F5: variants seen among roughly 807,000 people sequenced by gnomAD.
The protein encoded by F5 is coagulation factor V.
A neutral mutation model predicts 216.4 loss-of-function variants in F5; 138 were observed. The observed-to-expected ratio is 0.64, with a 90% CI of 0.56 to 0.73. The LOEUF is 0.73. Ranked by LOEUF, F5 falls within the 30% of genes least tolerant of loss-of-function variation. The pLI is 0.00. For synonymous variants in F5, 916 were observed against 930.7 expected (o/e 0.98, Z 0.29); for missense variants, 2,403 against 2,674.0 (o/e 0.90, Z 2.24).
At chr1:169,533,781 T>C (rs1659641770) in intron 14 of F5, among the ~76,000 whole-genome samples, 2 of 152,148 alleles carry the variant, frequency 1.3e-5, no homozygotes, top group Non-Finnish European at 2.9e-5. Flanking sequence ...GGAATGCTTA[T>C]ACACTGCTGC....
At chr1:169,551,724 A>G (rs1367900476) in intron 8 of F5, among the ~76,000 whole-genome samples, 1 of 152,232 alleles carries the variant, frequency 6.6e-6, no homozygotes, top group African/African-American at 2.4e-5. Context: ...TGATTGTCAA[A>G]GCCTTTGGAT....
intron 3 of F5, 139 bp from the exon 4 acceptor site, chr1:169,560,905 A>G: frequency 1.3e-6 from 1 of 741,352 alleles, no homozygotes; most frequent in Non-Finnish European, 2.4e-6. Context: ...TTATTTGGAA[A>G]GATTCACATA....
intron 20 of F5, among the ~76,000 whole-genome samples, 162 bp from the exon 21 acceptor site, chr1:169,523,514 G>C (rs896990566): frequency 1.4e-4 from 21 of 152,176 alleles, no homozygotes; most frequent in African/African-American, 5.1e-4. Flanking sequence ...TGGGCACAGA[G>C]TACCTAAATT....
intron 7 of F5, among the ~76,000 whole-genome samples, chr1:169,553,308 T>C (rs1185538695): frequency 1.3e-5 from 2 of 152,172 alleles, no homozygotes; most frequent in Admixed American, 6.5e-5. Context: ...ATGAACCACT[T>C]TTCCCCTGCC....
chr1:169,538,038 G>A (rs1174326430), intron 13 of F5, among the ~76,000 whole-genome samples: 1 of 152,108 alleles, frequency 6.6e-6, no homozygotes, highest in East Asian at 1.9e-4. Flanking sequence ...CACGTTCACT[G>A]CAGCATTAGC....
chr1:169,525,077 C>G (rs528328345), intron 18 of F5, among the ~76,000 whole-genome samples, 169 bp from the exon 19 acceptor site: 1 of 152,162 alleles, frequency 6.6e-6, no homozygotes, highest in African/African-American at 2.4e-5. Context: ...AATGCACTAA[C>G]AAGACTGGTG....
chr1:169,536,561 T>C lies in F5; in HGVS notation c.4916A>G (p.Glu1639Gly), dbSNP rs1252175050. The C allele has an allele frequency of 5.6e-6, 9 of 1,613,666 alleles. No individual in the cohort carries two copies. Among genetic ancestry groups the C allele is most frequent in the Non-Finnish European group, 7.6e-6 (9 of 1,179,682 alleles). ...AATAGGACCAAGAATTCCGAGATGC[T>C]CTTCATACTCCCCTCGAGGATCACG... ...TKRDPRGEYE[E>G]HLGILGPIIR... Residue 1639 changes from glutamate to glycine, a missense_variant, in exon 14 of 25, where the codon GAG becomes GGG. Glu to Gly is a moderately conservative substitution (Grantham distance 98, BLOSUM62 -2). This residue lies in a region of F5 where 659 missense variants were observed against 787.9 expected (regional missense o/e 0.84). Transcript: ENST00000367797.
In F5 at chr1:169,541,536, A is replaced by G. The variant is rs189761035; in HGVS notation, c.3554T>C (p.Val1185Ala). 1 of 1,614,046 alleles carries G rather than the reference A, an allele frequency of 6.2e-7. No homozygotes were observed. The highest frequency in any genetic ancestry group is 1.7e-5 in the Admixed American group (1 of 59,990). Residue 1185 changes from valine to alanine, a missense_variant, in exon 13 of 25, where the codon GTC becomes GCC. Coordinates refer to ENST00000367797, the MANE Select transcript of F5 (RefSeq NM_000130.5). ...CACCTGGCTGAGGTCTGGAGAGATG[A>G]CTGTCTGCCAGACTTCATGTTCTGA... ...PSSEHEVWQT[V>A]ISPDLSQVTL...
intron 20 of F5, 26 bp downstream of exon 20, chr1:169,523,775 A>G (rs747821500): frequency 6.5e-7 from 1 of 1,528,442 alleles, no homozygotes; most frequent in East Asian, 2.2e-5. Flanking sequence ...GATAGCAGTA[A>G]ATATTATCAG....
chr1:169,526,642 G>T (rs542231363), intron 17 of F5, among the ~76,000 whole-genome samples: 1 of 152,144 alleles, frequency 6.6e-6, no homozygotes, highest in South Asian at 2.1e-4. Context: ...AAAATGAATA[G>T]ATATGATTAT....
intron 2 of F5, among the ~76,000 whole-genome samples, chr1:169,578,601 A>G (rs530803176): frequency 6.6e-6 from 1 of 152,302 alleles, no homozygotes; most frequent in South Asian, 2.1e-4. Flanking sequence ...CCTGGCCCTA[A>G]TGAGTATGTT....
In F5 at chr1:169,513,510, G is replaced by GACA. The variant is rs1330657221; in HGVS notation, c.*802_*803insTGT. ...TAACTGCTTGCCAGTTTGGCCAGAGGTCTCTTTGAGCAGGAACAACTGCAT... is the reference window on the plus strand; with the variant it reads ...TAACTGCTTGCCAGTTTGGCCAGAGGACATCTCTTTGAGCAGGAACAACTGCAT... On this transcript the variant is annotated 3_prime_UTR_variant, in exon 25 of 25. Coordinates refer to ENST00000367797, the MANE Select transcript of F5 (RefSeq NM_000130.5). Among the ~76,000 whole-genome samples the GACA allele has an allele frequency of 3.9e-5, 6 of 152,242 alleles. No individual in the cohort carries two copies. In the East Asian group the frequency reaches 7.7e-4, roughly 20 times the overall value.
At chr1:169,579,909 C>T (rs1462209425) in intron 2 of F5, among the ~76,000 whole-genome samples, 1 of 152,016 alleles carries the variant, frequency 6.6e-6, no homozygotes, top group Non-Finnish European at 1.5e-5. Context: ...TTAGGGACTC[C>T]CTATTCCTCT....
At chr1:169,533,322 T>A (rs1659631639) in intron 14 of F5, among the ~76,000 whole-genome samples, 1 of 152,108 alleles carries the variant, frequency 6.6e-6, no homozygotes, top group Admixed American at 6.5e-5. Context: ...AAGAAAAACC[T>A]AGGAAACACC....
In F5 at chr1:169,538,975, C is replaced by T. The variant is rs1457022977; in HGVS notation, c.4796+1319G>A. 2.6e-5 allele frequency among the ~76,000 whole-genome samples: 4 copies of T among 152,134 alleles called. No individual in the cohort carries two copies. In the East Asian group the frequency reaches 7.7e-4, roughly 29 times the overall value. On this transcript the variant is annotated intron_variant, in intron 13 of 24. Transcript: ENST00000367797. ...AGAATACTCAGGATACCCAAAGGATCTCTCCGTATTATTTCTCTTGACTGT... is the reference window on the plus strand; with the variant it reads ...AGAATACTCAGGATACCCAAAGGATTTCTCCGTATTATTTCTCTTGACTGT...
rs1484413655 is a variant in F5 at position 169,541,910 on chromosome 1, T to C, written c.3180A>G (p.Ser1060=). The change falls in exon 13 of 25, where the codon TCA becomes TCG. Residue 1060 remains serine, a synonymous_variant. Transcript: ENST00000367797. The part of the protein sequence containing the change: ...PLRSEAYNTF[S]ERRLKHSLVL... ...CCAACGAATGCTTAAGTCTTCTTTC[T>C]GAAAATGTGTTGTAGGCTTCACTTC... is the stretch of plus-strand genomic sequence containing the variant. The C allele has an allele frequency of 1.2e-6, 2 of 1,614,178 alleles. No individual in the cohort carries two copies. Among genetic ancestry groups the C allele is most frequent in the Non-Finnish European group, 1.7e-6 (2 of 1,180,010 alleles).
intron 1 of F5, among the ~76,000 whole-genome samples, chr1:169,583,960 T>C (rs933272094): frequency 1.3e-5 from 2 of 152,198 alleles, no homozygotes; most frequent in Non-Finnish European, 2.9e-5. Context: ...GCGTGGAAGT[T>C]GAATATGAAT....
intron 23 of F5, chr1:169,515,893 T>C: frequency 2.1e-6 from 1 of 474,162 alleles, no homozygotes; most frequent in Admixed American, 3.4e-5. Context: ...CTTATTTCAT[T>C]TTGTTTCCTG....
chr1:169,576,815 C>T (rs1315948536), intron 2 of F5, among the ~76,000 whole-genome samples: 2 of 152,096 alleles, frequency 1.3e-5, no homozygotes, highest in Non-Finnish European at 2.9e-5. Flanking sequence ...CCATGGTTCT[C>T]TTGCTTGGTT....
Sources: allele counts gnomAD v4.1 joint callset (sites outside exome capture counted in the v4.1 genomes callset), GRCh38; gene constraint gnomAD v4.1.1; regional missense constraint gnomAD v4.1.1; transcripts MANE v1.5; gene names NCBI Gene and HGNC (gene_info 2026-07-23, HGNC 2026-07-21).